HCRTR2: variants seen among roughly 807,000 people sequenced by gnomAD.
The protein encoded by HCRTR2 is hypocretin receptor 2.
In HCRTR2, 22 loss-of-function variants were observed where a neutral mutation model predicts 49.0. That is an observed-to-expected ratio of 0.45 (90% CI 0.32 to 0.64). The LOEUF (loss-of-function observed/expected upper bound fraction) is 0.64. Among genes scored for constraint, HCRTR2 ranks in the 30% least tolerant of loss-of-function variants. HCRTR2 has a pLI of 0.04. For synonymous variants in HCRTR2, 236 were observed against 205.3 expected, an observed-to-expected ratio of 1.15 and a Z score of -1.28; for missense variants, 491 against 559.4, an observed-to-expected ratio of 0.88 and a Z score of 1.23.
chr6:55,267,127 C>G (rs1046727427), intron 4 of HCRTR2, among the ~76,000 whole-genome samples: 1 of 152,102 alleles, frequency 6.6e-6, no homozygotes, highest in African/African-American at 2.4e-5. Flanking sequence ...TCTGCTTGAG[C>G]AACTCTCAAT....
intron 1 of HCRTR2, among the ~76,000 whole-genome samples, chr6:55,228,054 T>C (rs1488087135): frequency 1.3e-5 from 2 of 152,104 alleles, no homozygotes; most frequent in Admixed American, 6.6e-5. Flanking sequence ...AGGAGTCAAT[T>C]AAGACTTATA....
At chr6:55,116,371 A>G (rs1040558067) in intron 1 of HCRTR2, among the ~76,000 whole-genome samples, 6 of 151,708 alleles carry the variant, frequency 4.0e-5, no homozygotes, top group African/African-American at 9.7e-5. Flanking sequence ...AGATTTAATT[A>G]GGGAATATAT....
Position 55,282,309 on chromosome 6 carries a change from G to T in HCRTR2, c.1190G>T (p.Gly397Val), listed in dbSNP as rs138266083. 3.5e-5 allele frequency: 56 copies of T among 1,613,716 alleles called. No individual in the cohort carries two copies. Among genetic ancestry groups the T allele is most frequent in the Non-Finnish European group, 4.5e-5 (53 of 1,179,910 alleles). The part of the protein sequence containing the change: ...HHRQEDRLTR[G>V]RTSTESRKSL... Reference sequence around the variant, plus strand: ...CGCCAGGAGGATCGGCTCACCAGGGGACGAACTAGCACAGAGAGCCGGAAG... The same window carrying T: ...CGCCAGGAGGATCGGCTCACCAGGGTACGAACTAGCACAGAGAGCCGGAAG... The change falls in exon 7 of 7, where the codon GGA (glycine) becomes GTA (valine). Residue 397 changes from glycine to valine, a missense_variant. Gly to Val is a moderately radical substitution (Grantham distance 109). Coordinates refer to ENST00000370862, the MANE Select transcript of HCRTR2 (RefSeq NM_001384272.1).
intron 2 of HCRTR2, among the ~76,000 whole-genome samples, chr6:55,250,737 G>GC (rs1766533463): frequency 6.6e-6 from 1 of 152,076 alleles, no homozygotes; most frequent in Non-Finnish European, 1.5e-5. Context: ...CTTTCACACA[G>GC]CAGAACTATT....
chr6:55,251,540 C>T (rs757550162), intron 2 of HCRTR2, among the ~76,000 whole-genome samples: 7 of 151,736 alleles, frequency 4.6e-5, no homozygotes, highest in East Asian at 1.9e-4. Flanking sequence ...CTGCAGAAGA[C>T]GCCCTACACA....
In HCRTR2 at chr6:55,255,301, G is replaced by A; in HGVS notation, c.568G>A (p.Val190Ile). 1 of 1,613,968 alleles carries A rather than the reference G, an allele frequency of 6.2e-7. No homozygotes were observed. Residue 190 changes from valine to isoleucine, a missense_variant, in exon 3 of 7, where the codon GTC (valine) becomes ATC (isoleucine). By Grantham distance (29) the Val-to-Ile change is conservative. Coordinates refer to ENST00000370862, the MANE Select transcript of HCRTR2 (RefSeq NM_001384272.1). ...SCIIMIPQAI[V>I]MECSTVFPGL... is the part of the protein sequence containing the mutation. ...CATTATAATGATTCCTCAGGCCATC[G>A]TCATGGAGTGCAGCACCGTGTTCCC...
At chr6:55,111,071 A>T (rs1484825234) in intron 1 of HCRTR2, among the ~76,000 whole-genome samples, 1 of 152,070 alleles carries the variant, frequency 6.6e-6, no homozygotes, top group Non-Finnish European at 1.5e-5. Flanking sequence ...TTCAAAAGGA[A>T]CTCTCAAAAC....
rs181814747 is a variant in HCRTR2, at chr6:55,207,591, G to T, written c.223+32781G>T. On this transcript the variant is annotated intron_variant, in intron 1 of 6. Coordinates refer to ENST00000370862, the MANE Select transcript of HCRTR2 (RefSeq NM_001384272.1). ...AGGATAAAAGGGTAGGAACAATGGG[G>T]AGAAAATTATAGCTTACAATAGGGA... Among the ~76,000 whole-genome samples the T allele has an allele frequency of 3.1e-3, 478 of 152,228 alleles. 3 individuals carry two copies. The highest frequency in any genetic ancestry group is 0.011 in the African/African-American group (448 of 41,530).
chr6:55,272,297 T>C (rs1053421688), intron 4 of HCRTR2, among the ~76,000 whole-genome samples: 1 of 152,062 alleles, frequency 6.6e-6, no homozygotes, highest in African/African-American at 2.4e-5. Flanking sequence ...CATGAAAATG[T>C]TGAGAATAGG....
chr6:55,225,585 T>C (rs913487821), intron 1 of HCRTR2, among the ~76,000 whole-genome samples: 1 of 152,080 alleles, frequency 6.6e-6, no homozygotes, highest in African/African-American at 2.4e-5. Context: ...GAATAAAAAT[T>C]TGCACCCCAC....
At chr6:55,224,990 GAGT>G (rs563994838) in intron 1 of HCRTR2, among the ~76,000 whole-genome samples, 22 of 152,274 alleles carry the variant, frequency 1.4e-4, no homozygotes, top group Middle Eastern at 3.4e-3. Context: ...ATTGCTAAGA[GAGT>G]AGATTTTAAG....
intron 1 of HCRTR2, among the ~76,000 whole-genome samples, chr6:55,178,430 C>G (rs187452344): frequency 4.6e-5 from 7 of 151,968 alleles, no homozygotes; most frequent in Admixed American, 3.9e-4. Context: ...AATTAAAGAT[C>G]GATAATGACT....
Position 55,280,395 on chromosome 6 carries a change from T to A in HCRTR2, c.1056T>A (p.Leu352=). The A allele has an allele frequency of 6.2e-7, 1 of 1,613,082 alleles. No individual in the cohort carries two copies. Among genetic ancestry groups the A allele is most frequent in the Admixed American group, 1.7e-5 (1 of 59,982 alleles). ...VYAWFTFSHW[L]VYANSAANPI... The stretch of plus-strand genomic sequence containing the variant: ...CCTGGTTTACCTTTTCACACTGGCT[T>A]GTATATGCCAATAGTGCTGCGAATC... The change falls in exon 6 of 7, where the codon CTT becomes CTA. Residue 352 remains leucine (L), a synonymous_variant. Transcript: ENST00000370862.
intron 1 of HCRTR2, among the ~76,000 whole-genome samples, chr6:55,226,803 C>T (rs1006978340): frequency 1.6e-4 from 23 of 144,474 alleles, no homozygotes; most frequent in African/African-American, 5.2e-4. Flanking sequence ...ACTGAAAGCT[C>T]CGCCTCCCGG....
chr6:55,198,917 G>C (rs1334652326), intron 1 of HCRTR2, among the ~76,000 whole-genome samples: 1 of 152,182 alleles, frequency 6.6e-6, no homozygotes, highest in Non-Finnish European at 1.5e-5. Flanking sequence ...GTGGCAAGAT[G>C]AAATGGCCTC....
intron 1 of HCRTR2, among the ~76,000 whole-genome samples, chr6:55,125,982 T>A (rs1764270414): frequency 6.6e-6 from 1 of 152,208 alleles, no homozygotes; most frequent in Admixed American, 6.5e-5. Context: ...TTTATGTTCT[T>A]CTCTAAGCTG....
chr6:55,146,173 T>C (rs1764578319), intron 1 of HCRTR2, among the ~76,000 whole-genome samples: 1 of 152,150 alleles, frequency 6.6e-6, no homozygotes, highest in Non-Finnish European at 1.5e-5. Context: ...AATAAATGAT[T>C]GAATAGTGGA....
chr6:55,281,126 T>C (rs1471539234), intron 6 of HCRTR2, among the ~76,000 whole-genome samples: 1 of 152,188 alleles, frequency 6.6e-6, no homozygotes, highest in Non-Finnish European at 1.5e-5. Context: ...CTCCAACTCA[T>C]TGGCGATTTC....
chr6:55,232,693 T>C (rs1310104411), intron 1 of HCRTR2, among the ~76,000 whole-genome samples: 2 of 152,218 alleles, frequency 1.3e-5, no homozygotes, highest in Non-Finnish European at 2.9e-5. Context: ...CTATAATTTT[T>C]AGTGAACAAC....
Sources: allele counts gnomAD v4.1 joint callset (sites outside exome capture counted in the v4.1 genomes callset), GRCh38; gene constraint gnomAD v4.1.1; transcripts MANE v1.5; gene names NCBI Gene and HGNC (gene_info 2026-07-23, HGNC 2026-07-21).